Variants in PAN3 observed in about 807,000 individuals in gnomAD.
PAN3 encodes PAN2-PAN3 deadenylation complex subunit PAN3.
Under a neutral mutation model 96.2 loss-of-function variants are expected in PAN3, and 19 were observed. The observed-to-expected ratio is 0.20, with a 90% CI of 0.14 to 0.29. The LOEUF (loss-of-function observed/expected upper bound fraction) is 0.29. Among genes scored for constraint, PAN3 ranks in the 10% least tolerant of loss-of-function variants. PAN3 has a pLI of 1.00. For missense variants in PAN3, 882 were observed against 1,108.1 expected (o/e 0.80, Z 2.90); for synonymous variants, 433 against 406.6 (o/e 1.06, Z -0.78).
At chr13:28,199,318 A>T (rs1878429271) in intron 5 of PAN3, among the ~76,000 whole-genome samples, 1 of 151,968 alleles carries the variant, frequency 6.6e-6, no homozygotes. Flanking sequence ...GGCAGTTCTG[A>T]GGTACTTTTT....
At chr13:28,254,237 G>A (rs1884967524) in intron 6 of PAN3, among the ~76,000 whole-genome samples, 1 of 152,146 alleles carries the variant, frequency 6.6e-6, no homozygotes, top group African/African-American at 2.4e-5. Flanking sequence ...TGATTATGTT[G>A]CTGAATTACC....
chr13:28,147,924 A>G (rs927266568), intron 1 of PAN3, among the ~76,000 whole-genome samples: 4 of 152,052 alleles, frequency 2.6e-5, no homozygotes, highest in Non-Finnish European at 2.9e-5. Flanking sequence ...AAATAAAGAT[A>G]CTGTTCCTAT....
chr13:28,292,334 C>A (rs1378010209), intron 18 of PAN3, 48 bp from the exon 19 acceptor site: 5 of 1,484,956 alleles, frequency 3.4e-6, no homozygotes, highest in South Asian at 1.5e-5. Context: ...TAGATAAATT[C>A]TTTTCTGCAT....
chr13:28,266,995 TC>T, intron 10 of PAN3, 99 bp from the exon 11 acceptor site: 1 of 1,312,892 alleles, frequency 7.6e-7, no homozygotes, highest in Non-Finnish European at 1.0e-6. Flanking sequence ...AATTAGTACC[TC>T]ATGAGCAATG....
chr13:28,145,480 G>A (rs548074861), intron 1 of PAN3, among the ~76,000 whole-genome samples: 4 of 151,810 alleles, frequency 2.6e-5, no homozygotes, highest in East Asian at 1.9e-4. Flanking sequence ...ACATGCCACC[G>A]TGCCTGGCTA....
chr13:28,146,380 C>G (rs1258385152), intron 1 of PAN3, among the ~76,000 whole-genome samples: 2 of 151,532 alleles, frequency 1.3e-5, no homozygotes, highest in Non-Finnish European at 2.9e-5. Context: ...GTTAACTTCC[C>G]CCTGCCCCTC....
intron 14 of PAN3, 91 bp from the exon 15 acceptor site, chr13:28,277,146 G>A (rs1232674148): frequency 7.8e-7 from 1 of 1,276,214 alleles, no homozygotes; most frequent in African/African-American, 1.5e-5. Flanking sequence ...TATTTATAAT[G>A]ATGCTTTTTC....
At chr13:28,159,543 G>A (rs565912358) in intron 1 of PAN3, among the ~76,000 whole-genome samples, 1 of 152,266 alleles carries the variant, frequency 6.6e-6, no homozygotes, top group Non-Finnish European at 1.5e-5. Context: ...CCGCCTCCCT[G>A]GTTCAAACGA....
At chr13:28,258,418 A>G (rs1018440731) in intron 7 of PAN3, among the ~76,000 whole-genome samples, 1 of 152,208 alleles carries the variant, frequency 6.6e-6, no homozygotes, top group Non-Finnish European at 1.5e-5. Context: ...AAAGAGAACA[A>G]AGGGTGGTGG....
intron 6 of PAN3, among the ~76,000 whole-genome samples, chr13:28,252,238 A>T (rs1297925737): frequency 5.4e-5 from 5 of 93,304 alleles, no homozygotes; most frequent in African/African-American, 8.4e-5. Context: ...AAATGTTGGG[A>T]TGTTGTGTTT....
intron 4 of PAN3, among the ~76,000 whole-genome samples, chr13:28,185,450 A>G (rs967762186): frequency 9.9e-5 from 15 of 152,210 alleles, no homozygotes; most frequent in Admixed American, 7.9e-4. Context: ...AGGTTCAACC[A>G]TGTACTTCCT....
chr13:28,177,113 A>C (rs1875115376), intron 3 of PAN3, among the ~76,000 whole-genome samples: 1 of 152,138 alleles, frequency 6.6e-6, no homozygotes, highest in African/African-American at 2.4e-5. Flanking sequence ...GAGATTAATA[A>C]ATAAAAAATT....
At chr13:28,211,070 T>A (rs1447063409) in intron 5 of PAN3, among the ~76,000 whole-genome samples, 3 of 150,154 alleles carry the variant, frequency 2.0e-5, no homozygotes, top group African/African-American at 7.3e-5. Flanking sequence ...TTAAAAAAAT[T>A]TTTTTTTTTT....
chr13:28,222,616 G>A (rs1249385614), intron 6 of PAN3, among the ~76,000 whole-genome samples: 4 of 152,074 alleles, frequency 2.6e-5, no homozygotes, highest in South Asian at 2.1e-4. Context: ...TCTGCCTTTC[G>A]GAAAAACCAT....
intron 7 of PAN3, among the ~76,000 whole-genome samples, chr13:28,257,707 ATT>A (rs1461210650): frequency 1.0e-4 from 14 of 139,938 alleles, no homozygotes; most frequent in African/African-American, 1.6e-4. Context: ...TATTATATAT[ATT>A]ATATATAATT....
chr13:28,213,611 T>G (rs986420249), intron 5 of PAN3, among the ~76,000 whole-genome samples: 1 of 151,672 alleles, frequency 6.6e-6, no homozygotes, highest in Non-Finnish European at 1.5e-5. Flanking sequence ...ACTATGGTTA[T>G]GTAAGATGTT....
intron 6 of PAN3, among the ~76,000 whole-genome samples, chr13:28,228,848 A>G (rs893366331): frequency 7.9e-5 from 12 of 152,182 alleles, no homozygotes; most frequent in Non-Finnish European, 2.9e-5. Context: ...GAGGTGGTGT[A>G]AGTTAAACTG....
intron 14 of PAN3, 159 bp downstream of exon 14, chr13:28,272,230 C>T (rs1484344997): frequency 1.1e-5 from 5 of 451,126 alleles, no homozygotes; most frequent in Non-Finnish European, 1.6e-5. Context: ...CCCTCCCTCT[C>T]TTTTCTTCCT....
intron 1 of PAN3, among the ~76,000 whole-genome samples, chr13:28,170,866 G>A (rs1440228517): frequency 6.6e-6 from 1 of 151,812 alleles, no homozygotes; most frequent in Non-Finnish European, 1.5e-5. Context: ...GTGCGATCTT[G>A]GCTCACCACA....
Sources: gnomAD v4.1 joint callset for allele counts (sites outside exome capture counted in the v4.1 genomes callset) on GRCh38, gnomAD v4.1.1 for gene constraint, MANE v1.5 for transcripts, NCBI Gene and HGNC (gene_info 2026-07-23, HGNC 2026-07-21) for gene names.